SH3RF3: variants seen among roughly 807,000 people sequenced by gnomAD.
The protein encoded by SH3RF3 is SH3 domain containing ring finger 3.
A neutral mutation model predicts 66.3 loss-of-function variants in SH3RF3; 29 were observed. The observed-to-expected ratio is 0.44, with a 90% confidence interval of 0.33 to 0.60. The LOEUF (loss-of-function observed/expected upper bound fraction) is 0.60. Ranked by LOEUF, SH3RF3 falls within the 20% of genes least tolerant of loss-of-function variation. The pLI is 0.04. For missense variants in SH3RF3, 1,194 were observed against 1,190.9 expected, an observed-to-expected ratio of 1.00 and a Z score of -0.04; for synonymous variants, 583 against 532.0, an observed-to-expected ratio of 1.10 and a Z score of -1.32.
chr2:109,135,833 A>G (rs1676802379), intron 1 of SH3RF3, among the ~76,000 whole-genome samples: 1 of 152,114 alleles, frequency 6.6e-6, no homozygotes, highest in Non-Finnish European at 1.5e-5. Context: ...TATCTTTATT[A>G]TCAGAGGCAG....
chr2:109,391,048 C>A (rs1275105016), intron 3 of SH3RF3, among the ~76,000 whole-genome samples: 1 of 152,240 alleles, frequency 6.6e-6, no homozygotes, highest in Non-Finnish European at 1.5e-5. Flanking sequence ...GACCAGCCTG[C>A]ACCTGACAGG....
intron 8 of SH3RF3, among the ~76,000 whole-genome samples, chr2:109,483,413 G>T (rs149051834): frequency 6.6e-6 from 1 of 152,164 alleles, no homozygotes; most frequent in Non-Finnish European, 1.5e-5. Flanking sequence ...CCACTGGAGC[G>T]TATGCTCTCG....
chr2:109,395,752 C>T (rs1474048749), intron 3 of SH3RF3, among the ~76,000 whole-genome samples: 2 of 152,226 alleles, frequency 1.3e-5, no homozygotes, highest in Non-Finnish European at 2.9e-5. Context: ...GGGCCAGGCA[C>T]TGTGCTTCTG....
At chr2:109,489,501 G>C (rs1679070949) in intron 8 of SH3RF3, among the ~76,000 whole-genome samples, 1 of 152,214 alleles carries the variant, frequency 6.6e-6, no homozygotes, top group South Asian at 2.1e-4. Flanking sequence ...AGAAGAGCTG[G>C]GGGAGGAGAA....
At position 109,283,911 on chromosome 2, in the gene SH3RF3, C is replaced by A. The variant is rs183469505; in HGVS notation, c.574-63763C>A. ...AGCTGGTGAAGCGCTTATCAAATGA[C>A]CCCCAGATTCCATCTCACTTGGGGA... On this transcript the variant is annotated intron_variant, in intron 1 of 9. Transcript: ENST00000309415. 3.6e-3 allele frequency among the ~76,000 whole-genome samples: 541 copies of A among 152,294 alleles called. 3 individuals are homozygous for A. The highest frequency in any genetic ancestry group is 0.012 in the African/African-American group (513 of 41,548).
chr2:109,313,847 G>T (rs1158513081), intron 1 of SH3RF3, among the ~76,000 whole-genome samples: 1 of 152,182 alleles, frequency 6.6e-6, no homozygotes, highest in Non-Finnish European at 1.5e-5. Flanking sequence ...GAGGAGGGAG[G>T]TGGGCTCAGC....
chr2:109,263,576 T>C (rs1405421027), intron 1 of SH3RF3, among the ~76,000 whole-genome samples: 2 of 152,310 alleles, frequency 1.3e-5, no homozygotes, highest in African/African-American at 4.8e-5. Context: ...AATTTGCTTT[T>C]AGGAGGTGGA....
At chr2:109,393,750 G>A (rs997645574) in intron 3 of SH3RF3, among the ~76,000 whole-genome samples, 2 of 151,974 alleles carry the variant, frequency 1.3e-5, no homozygotes, top group African/African-American at 4.8e-5. Context: ...GTCAGTGCAG[G>A]GGCCCAGGGG....
At chr2:109,211,789 G>A (rs1678987597) in intron 1 of SH3RF3, among the ~76,000 whole-genome samples, 1 of 152,166 alleles carries the variant, frequency 6.6e-6, no homozygotes, top group Admixed American at 6.5e-5. Flanking sequence ...GGGATTACAG[G>A]CATTCACCAT....
intron 1 of SH3RF3, among the ~76,000 whole-genome samples, chr2:109,168,325 A>G (rs536998544): frequency 1.3e-5 from 2 of 152,314 alleles, no homozygotes; most frequent in Admixed American, 1.3e-4. Context: ...TTGGTGAGTG[A>G]TCTCAGAGTG....
At chr2:109,478,926 G>T (rs1376637923) in intron 8 of SH3RF3, among the ~76,000 whole-genome samples, 7 of 152,196 alleles carry the variant, frequency 4.6e-5, no homozygotes, top group Non-Finnish European at 7.4e-5. Flanking sequence ...GGCAGGGCAT[G>T]ACAGGAAGGC....
intron 1 of SH3RF3, among the ~76,000 whole-genome samples, chr2:109,209,879 A>G (rs1678928179): frequency 6.6e-6 from 1 of 152,186 alleles, no homozygotes; most frequent in African/African-American, 2.4e-5. Context: ...TCTACAGTTC[A>G]GTGGCATTAA....
chr2:109,234,675 G>C (rs1159620728), intron 1 of SH3RF3, among the ~76,000 whole-genome samples: 1 of 152,174 alleles, frequency 6.6e-6, no homozygotes, highest in Admixed American at 6.6e-5. Flanking sequence ...GATCTCACAG[G>C]GGTGTGGGCT....
At chr2:109,227,900 CT>C (rs1179019291) in intron 1 of SH3RF3, among the ~76,000 whole-genome samples, 2 of 152,226 alleles carry the variant, frequency 1.3e-5, no homozygotes, top group African/African-American at 4.8e-5. Context: ...TCCCTGTAGG[CT>C]TCATGATGGT....
At chr2:109,389,493 G>A (rs1359937244) in intron 3 of SH3RF3, among the ~76,000 whole-genome samples, 1 of 152,132 alleles carries the variant, frequency 6.6e-6, no homozygotes, top group Non-Finnish European at 1.5e-5. Context: ...ATGGACGCAT[G>A]CCAATATTTA....
intron 7 of SH3RF3, among the ~76,000 whole-genome samples, chr2:109,438,724 T>C (rs1677480891): frequency 6.6e-6 from 1 of 152,182 alleles, no homozygotes; most frequent in African/African-American, 2.4e-5. Flanking sequence ...TGTTTTCTGG[T>C]AGCCTCTAGC....
chr2:109,493,797 AACAC>A (rs1389654036), intron 9 of SH3RF3, among the ~76,000 whole-genome samples: 1 of 152,064 alleles, frequency 6.6e-6, no homozygotes, highest in African/African-American at 2.4e-5. Flanking sequence ...AAACACACAT[AACAC>A]ACAGATACAC....
intron 9 of SH3RF3, among the ~76,000 whole-genome samples, chr2:109,493,790 C>T (rs941199277): frequency 6.6e-6 from 1 of 152,112 alleles, no homozygotes; most frequent in Admixed American, 6.6e-5. Flanking sequence ...ACCAGGCAAA[C>T]ACACATAACA....
At chr2:109,472,386 C>T (rs1319097973) in intron 8 of SH3RF3, among the ~76,000 whole-genome samples, 2 of 152,030 alleles carry the variant, frequency 1.3e-5, no homozygotes, top group African/African-American at 4.8e-5. Context: ...AAGCAATCTT[C>T]CTTAAGAAGC....
Sources: allele counts gnomAD v4.1 joint callset (sites outside exome capture counted in the v4.1 genomes callset), GRCh38; gene constraint gnomAD v4.1.1; transcripts MANE v1.5; gene names NCBI Gene and HGNC (gene_info 2026-07-23, HGNC 2026-07-21).